Variants in GALNT13 observed in about 807,000 individuals in gnomAD.
The protein encoded by GALNT13 is polypeptide N-acetylgalactosaminyltransferase 13, also known as UDP-GalNAc:polypeptide N-acetylgalactosaminyltransferase 13.
In GALNT13, 28 loss-of-function variants were observed where a neutral mutation model predicts 64.2. That is an observed-to-expected ratio of 0.44 (90% CI 0.32 to 0.60). GALNT13 has a LOEUF of 0.60. GALNT13 is among the 20% of genes least tolerant of loss of function. The probability of loss-of-function intolerance (pLI) is 0.05; values close to 1 mark genes in which losing one functional copy is unlikely to be tolerated. For synonymous variants in GALNT13, 214 were observed against 224.6 expected (o/e 0.95, Z 0.42); for missense variants, 577 against 669.8 (o/e 0.86, Z 1.53).
At chr2:153,835,950 G>C in the GALNT13 span, among the ~76,000 whole-genome samples, 1 of 151,986 alleles carries the variant, frequency 6.6e-6, no homozygotes, top group Admixed American at 6.6e-5. Context: ...GGGGAATAGT[G>C]AACCTATCAA....
intron 12 of GALNT13, among the ~76,000 whole-genome samples, chr2:154,447,792 T>A (rs1029674033): frequency 3.3e-5 from 5 of 152,012 alleles, no homozygotes; most frequent in African/African-American, 1.2e-4. Flanking sequence ...AAAGTCTAGG[T>A]CTTTTGCACA....
At chr2:153,393,992 C>CACACACACA in the GALNT13 span, among the ~76,000 whole-genome samples, 1 of 51,352 alleles carries the variant, frequency 1.9e-5, no homozygotes, top group Non-Finnish European at 4.1e-5. Flanking sequence ...ACACACACAC[C>CACACACACA]CCCTATTGGT....
the GALNT13 span, among the ~76,000 whole-genome samples, chr2:153,841,685 A>C: frequency 4.6e-5 from 7 of 152,172 alleles, no homozygotes; most frequent in East Asian, 1.3e-3. Context: ...CATAATATTT[A>C]TTATACAAAA....
At chr2:153,942,860 G>A (rs1287710257) in intron 2 of GALNT13, among the ~76,000 whole-genome samples, 1 of 152,008 alleles carries the variant, frequency 6.6e-6, no homozygotes, top group Non-Finnish European at 1.5e-5. Context: ...TTGCTTTATG[G>A]TGCTGTCAGC....
At chr2:153,870,493 A>G (rs1458703554), upstream of GALNT13, among the ~76,000 whole-genome samples, 1 of 151,960 alleles carries the variant, frequency 6.6e-6, no homozygotes, top group Non-Finnish European at 1.5e-5. Context: ...GGAATTCACT[A>G]GAGAGAGCAG....
chr2:153,524,890 C>T, the GALNT13 span, among the ~76,000 whole-genome samples: 12 of 152,250 alleles, frequency 7.9e-5, no homozygotes, highest in South Asian at 1.0e-3. Flanking sequence ...GGGGGAGGCA[C>T]GTGATCTGCT....
intron 4 of GALNT13, among the ~76,000 whole-genome samples, chr2:154,171,288 C>G (rs182571215): frequency 6.6e-6 from 1 of 152,070 alleles, no homozygotes. Context: ...GGAATTAATA[C>G]CACCTACTAC....
At chr2:153,140,419 A>G in the GALNT13 span, among the ~76,000 whole-genome samples, 6 of 152,080 alleles carry the variant, frequency 3.9e-5, no homozygotes, top group Admixed American at 3.3e-4. Context: ...AAATGTGAGC[A>G]AATGAATGCA....
At chr2:153,455,663 C>CGCG in the GALNT13 span, among the ~76,000 whole-genome samples, 86 of 152,156 alleles carry the variant, frequency 5.7e-4, 1 homozygote, top group East Asian at 0.015. Context: ...CCCCAGAGGG[C>CGCG]GCGTTATGGT....
At position 153,958,263 on chromosome 2, in the gene GALNT13, G is replaced by C. The variant is rs147658224; in HGVS notation, c.142+13624G>C. ...TTGGGAGACTGAGGAGACCCTGGAG[G>C]GGGAGTAGGCCTCCAAGGGGAAGCA... On this transcript the variant is annotated intron_variant, in intron 3 of 12. Coordinates refer to ENST00000392825, the MANE Select transcript of GALNT13 (RefSeq NM_052917.4). Among the ~76,000 whole-genome samples the C allele has an allele frequency of 1.1e-4, 16 of 152,192 alleles. No homozygotes were observed. In the East Asian group the frequency reaches 2.7e-3, roughly 26 times the overall value.
intron 3 of GALNT13, among the ~76,000 whole-genome samples, chr2:153,976,703 A>G (rs902562071): frequency 6.6e-6 from 1 of 152,032 alleles, no homozygotes; most frequent in Admixed American, 6.6e-5. Flanking sequence ...TTTTTTGTCA[A>G]TCGATTATGT....
intron 3 of GALNT13, among the ~76,000 whole-genome samples, chr2:154,041,028 G>C (rs1445533616): frequency 7.2e-6 from 1 of 139,260 alleles, no homozygotes; most frequent in African/African-American, 2.5e-5. Context: ...TGCAGCTAAG[G>C]CATGGGATTA....
chr2:153,337,117 C>T, the GALNT13 span, among the ~76,000 whole-genome samples: 13 of 151,952 alleles, frequency 8.6e-5, no homozygotes, highest in African/African-American at 2.4e-4. Context: ...TTATCAGCAG[C>T]GTGAAAAATG....
At chr2:154,047,968 A>AGGG (rs1699371738) in intron 3 of GALNT13, among the ~76,000 whole-genome samples, 1 of 152,176 alleles carries the variant, frequency 6.6e-6, no homozygotes, top group Admixed American at 6.5e-5. Context: ...CATTGCTATA[A>AGGG]AGAAATGCTA....
At chr2:154,236,005 G>T in intron 4 of GALNT13, 2 of 1,135,686 alleles carry the variant, frequency 1.8e-6, no homozygotes, top group Non-Finnish European at 2.3e-6. Context: ...TTCCAAAGTA[G>T]ATCAGCTGGA....
rs576606713 is a variant in GALNT13 at position 154,014,197 on chromosome 2, A to G, written c.142+69558A>G. On this transcript the variant is annotated intron_variant, in intron 3 of 12. Transcript: ENST00000392825. ...TCCCTGGCCATGCTCCACTGCAGCC[A>G]TTCCCCCGACAAACCTTCTGAGCTA... Among the ~76,000 whole-genome samples the G allele has an allele frequency of 3.9e-5, 6 of 152,272 alleles. No homozygotes were observed. The East Asian group carries it at 7.8e-4, about 20-fold the overall frequency.
At chr2:153,156,513 T>C in the GALNT13 span, among the ~76,000 whole-genome samples, 1 of 152,288 alleles carries the variant, frequency 6.6e-6, no homozygotes, top group South Asian at 2.1e-4. Flanking sequence ...TGTTTCTGGG[T>C]GGACGATGAA....
the GALNT13 span, among the ~76,000 whole-genome samples, chr2:153,293,553 C>T: frequency 6.6e-6 from 1 of 152,092 alleles, no homozygotes; most frequent in African/African-American, 2.4e-5. Context: ...CTGCAAACAC[C>T]TTAATTTTAG....
At chr2:153,602,077 A>G in the GALNT13 span, among the ~76,000 whole-genome samples, 1 of 151,940 alleles carries the variant, frequency 6.6e-6, no homozygotes, top group Admixed American at 6.6e-5. Context: ...AAATAGGGAA[A>G]GGCAAAGAGC....
Sources: allele counts gnomAD v4.1 joint callset (sites outside exome capture counted in the v4.1 genomes callset), GRCh38; gene constraint gnomAD v4.1.1; transcripts MANE v1.5; gene names NCBI Gene and HGNC (gene_info 2026-07-23, HGNC 2026-07-21).